Variants in WDFY4 observed in about 807,000 individuals in gnomAD.
WDFY4 encodes WD repeat- and FYVE domain-containing protein 4.
A neutral mutation model predicts 351.9 loss-of-function variants in WDFY4; 169 were observed. The observed-to-expected ratio is 0.48, with a 90% CI of 0.42 to 0.55. The LOEUF (loss-of-function observed/expected upper bound fraction) is 0.55, where lower values mean the gene tolerates loss of function less well. WDFY4 is among the 20% of genes least tolerant of loss of function. The pLI is 0.00. For missense variants in WDFY4, 3,803 were observed against 3,935.6 expected, an observed-to-expected ratio of 0.97 and a Z score of 0.90; for synonymous variants, 1,622 against 1,574.6, an observed-to-expected ratio of 1.03 and a Z score of -0.71.
chr10:48,910,843 G>T (rs12254529), intron 47 of WDFY4: 4 of 898,182 alleles, frequency 4.5e-6, no homozygotes, highest in African/African-American at 1.8e-5. Context: ...GTGCTGCAGC[G>T]GGGAAGGGAG....
intron 47 of WDFY4, among the ~76,000 whole-genome samples, chr10:48,931,841 A>G (rs1308425359): frequency 1.3e-5 from 2 of 152,202 alleles, no homozygotes; most frequent in Non-Finnish European, 2.9e-5. Context: ...TTTCCTTAGG[A>G]CTTTGTGCAA....
chr10:48,868,701 C>T (rs1244285070), intron 40 of WDFY4, among the ~76,000 whole-genome samples: 1 of 152,194 alleles, frequency 6.6e-6, no homozygotes. Context: ...ATCACCACTA[C>T]ACCATTTTGA....
chr10:48,863,724 A>T (rs2069427887), intron 39 of WDFY4, among the ~76,000 whole-genome samples: 1 of 152,100 alleles, frequency 6.6e-6, no homozygotes, highest in Non-Finnish European at 1.5e-5. Flanking sequence ...TTTTTGTATT[A>T]GTCCGTTTTC....
chr10:48,814,907 CT>C (rs1025506792), intron 31 of WDFY4, among the ~76,000 whole-genome samples: 1 of 152,142 alleles, frequency 6.6e-6, no homozygotes, highest in East Asian at 1.9e-4. Context: ...CCCCTTTTGC[CT>C]TTTTTTCCTC....
chr10:48,808,621 G>C (rs2067335849), intron 28 of WDFY4, among the ~76,000 whole-genome samples: 1 of 152,196 alleles, frequency 6.6e-6, no homozygotes, highest in Admixed American at 6.5e-5. Flanking sequence ...ATATGCATCT[G>C]GGCTTGGGGG....
intron 21 of WDFY4, among the ~76,000 whole-genome samples, chr10:48,789,663 A>G (rs2066613066): frequency 6.6e-6 from 1 of 152,154 alleles, no homozygotes; most frequent in African/African-American, 2.4e-5. Context: ...GCTCACTTAC[A>G]ATTCAGCCAC....
chr10:48,742,419 TA>T (rs1278250832), intron 11 of WDFY4, among the ~76,000 whole-genome samples: 1 of 152,220 alleles, frequency 6.6e-6, no homozygotes, highest in Non-Finnish European at 1.5e-5. Context: ...GAGAGGGAGA[TA>T]AGGAATAACA....
At chr10:48,946,336 C>T (rs1841042461) in intron 50 of WDFY4, among the ~76,000 whole-genome samples, 179 bp downstream of exon 50, 1 of 152,236 alleles carries the variant, frequency 6.6e-6, no homozygotes, top group Non-Finnish European at 1.5e-5. Flanking sequence ...GTCCAGGCCT[C>T]ACCTCTAGAA....
chr10:48,703,692 T>C (rs2377623), intron 1 of WDFY4, among the ~76,000 whole-genome samples: 128,028 of 152,106 alleles, frequency 0.84, 54,766 homozygotes, highest in East Asian at 0.92. Flanking sequence ...CTCCCAACTC[T>C]GCAAATCACT....
chr10:48,704,958 TG>T (rs34983553), intron 1 of WDFY4, among the ~76,000 whole-genome samples: 128,071 of 152,172 alleles, frequency 0.84, 54,778 homozygotes, highest in East Asian at 0.92. Context: ...AGAGGGGCCC[TG>T]GTGAGAGAAC....
chr10:48,758,979 T>G lies in WDFY4; in HGVS notation c.2460-1368T>G, dbSNP rs1261863766. ...AATTTCAGGTTGTATTCTGGACATTTTGAATCTTATCTTATGAACTCTGGT... is the reference window on the plus strand; with the variant it reads ...AATTTCAGGTTGTATTCTGGACATTGTGAATCTTATCTTATGAACTCTGGT... On this transcript the variant is annotated intron_variant, in intron 12 of 61. Coordinates refer to ENST00000325239, the MANE Select transcript of WDFY4 (RefSeq NM_001394531.1). 2.6e-5 allele frequency among the ~76,000 whole-genome samples: 4 copies of G among 152,318 alleles called. No individual in the cohort carries two copies. The East Asian group carries it at 7.7e-4, about 29-fold the overall frequency.
chr10:48,817,086 C>T (rs914774739), intron 31 of WDFY4, among the ~76,000 whole-genome samples, 159 bp from the exon 32 acceptor site: 1 of 152,230 alleles, frequency 6.6e-6, no homozygotes, highest in African/African-American at 2.4e-5. Flanking sequence ...AACCCTTCCT[C>T]AATTGGACAC....
chr10:48,978,250 C>A, intron 59 of WDFY4, 59 bp from the exon 60 acceptor site: 1 of 1,526,272 alleles, frequency 6.6e-7, no homozygotes, highest in Non-Finnish European at 8.8e-7. Context: ...GACTAGGCCA[C>A]TCCAAGCTTG....
intron 11 of WDFY4, among the ~76,000 whole-genome samples, chr10:48,740,639 C>T (rs770896427): frequency 1.2e-4 from 18 of 152,222 alleles, no homozygotes; most frequent in Non-Finnish European, 2.1e-4. Flanking sequence ...CCTGGGTTTT[C>T]GGCCAAATTC....
Position 48,709,837 on chromosome 10 carries a change from G to C in WDFY4, c.105G>C (p.Gly35=). 1 of 1,551,870 alleles carries C rather than the reference G, an allele frequency of 6.4e-7. No individual in the cohort carries two copies. Among genetic ancestry groups the C allele is most frequent in the South Asian group, 1.2e-5 (1 of 84,064 alleles). Reference sequence around the variant, plus strand: ...TGCAGCCTGATGTCCCACATGGAGGGCAGTCCTCCAGCCCCACAGCTCTCT... The same window carrying C: ...TGCAGCCTGATGTCCCACATGGAGGCCAGTCCTCCAGCCCCACAGCTCTCT... ...AAVQPDVPHG[G]QSSSPTALWD... is the part of the protein sequence containing the mutation. The change falls in exon 2 of 62, where the codon GGG becomes GGC. Residue 35 remains glycine, a synonymous_variant. Transcript: ENST00000325239.
At chr10:48,725,398 C>T (rs1220957834) in intron 5 of WDFY4, among the ~76,000 whole-genome samples, 1 of 152,108 alleles carries the variant, frequency 6.6e-6, no homozygotes, top group African/African-American at 2.4e-5. Context: ...TTTTGCAAGT[C>T]CCTCTGTTAG....
At chr10:48,705,566 A>G (rs2063604801) in intron 1 of WDFY4, among the ~76,000 whole-genome samples, 1 of 152,182 alleles carries the variant, frequency 6.6e-6, no homozygotes, top group Non-Finnish European at 1.5e-5. Flanking sequence ...CTTTTCAAAT[A>G]AAACTGGAGC....
In WDFY4 at chr10:48,810,755, C is replaced by A; in HGVS notation, c.5044+20C>A. The A allele has an allele frequency of 6.7e-7, 1 of 1,499,376 alleles. No individual in the cohort carries two copies. Among genetic ancestry groups the A allele is most frequent in the Non-Finnish European group, 8.9e-7 (1 of 1,121,546 alleles). 92.9% of individuals were successfully genotyped at this position (1,499,376 alleles called of 1,614,324 possible). The stretch of plus-strand genomic sequence containing the variant: ...TAATGGGTGAGCACGTGGCTGTCTC[C>A]AGGGAGTGGGGCACCACCTAGTCCT... On this transcript the variant is annotated intron_variant, in intron 29 of 61. Transcript: ENST00000325239.
chr10:48,900,694 C>A (rs539868666), intron 46 of WDFY4, among the ~76,000 whole-genome samples: 13 of 152,290 alleles, frequency 8.5e-5, no homozygotes, highest in Non-Finnish European at 1.5e-5. Flanking sequence ...TTTCTGATCC[C>A]AGTTGCCAAT....
Sources: allele counts gnomAD v4.1 joint callset (sites outside exome capture counted in the v4.1 genomes callset), GRCh38; gene constraint gnomAD v4.1.1; transcripts MANE v1.5; gene names NCBI Gene and HGNC (gene_info 2026-07-23, HGNC 2026-07-21).